The following ZNF469 variants were observed in gnomAD, a reference collection of about 807,000 sequenced individuals.
The protein encoded by ZNF469 is zinc finger protein 469.
Under a neutral mutation model 1.0 loss-of-function variants are expected in ZNF469, and 1 was observed. The ratio of observed to expected loss-of-function variants is 1.00; its 90% CI spans 0.35 to 4.73. The LOEUF is 4.73. ZNF469 is among the 30% of genes most tolerant of loss of function. The pLI is 0.16. For missense variants in ZNF469, 6,100 were observed against 5,356.3 expected (o/e 1.14, Z -4.33); for synonymous variants, 2,703 against 2,363.4 (o/e 1.14, Z -4.17).
At chr16:88,409,691 G>A (rs1905093868) in intron 1 of ZNF469, among the ~76,000 whole-genome samples, 1 of 152,230 alleles carries the variant, frequency 6.6e-6, no homozygotes, top group Admixed American at 6.5e-5. Flanking sequence ...AAATGCATGT[G>A]TTCACACGTG....
At chr16:88,290,141 C>T in the ZNF469 span, among the ~76,000 whole-genome samples, 79 of 152,294 alleles carry the variant, frequency 5.2e-4, no homozygotes, top group East Asian at 0.013. Flanking sequence ...CTTAGAGTGC[C>T]GGGAGCCATG....
At chr16:88,208,803 ACTCTCTCTCTCT>A in the ZNF469 span, among the ~76,000 whole-genome samples, 85 of 123,648 alleles carry the variant, frequency 6.9e-4, no homozygotes, top group African/African-American at 2.3e-3. Context: ...ACACACACAC[ACTCTCTCTCTCT>A]CTCTCTCTCT....
intron 1 of ZNF469, among the ~76,000 whole-genome samples, chr16:88,418,583 C>G (rs1472984773): frequency 6.9e-6 from 1 of 145,270 alleles, no homozygotes; most frequent in Non-Finnish European, 1.5e-5. Context: ...TCGAAGACAT[C>G]ATTTTCTTTC....
the ZNF469 span, among the ~76,000 whole-genome samples, chr16:88,153,190 C>G: frequency 6.6e-6 from 1 of 152,220 alleles, no homozygotes; most frequent in African/African-American, 2.4e-5. Flanking sequence ...TCTCTGCACT[C>G]CGGGAACCCA....
the ZNF469 span, among the ~76,000 whole-genome samples, chr16:88,136,170 A>C: frequency 6.6e-6 from 1 of 152,152 alleles, no homozygotes; most frequent in Non-Finnish European, 1.5e-5. Flanking sequence ...GGTGCTGTGA[A>C]ATTCAAGGCA....
chr16:88,126,407 A>G, the ZNF469 span, among the ~76,000 whole-genome samples: 1 of 151,368 alleles, frequency 6.6e-6, no homozygotes, highest in African/African-American at 2.4e-5. Context: ...ACCATTAAGG[A>G]TGATGTTAGC....
chr16:88,415,882 T>C (rs1004196472), intron 1 of ZNF469, among the ~76,000 whole-genome samples: 2 of 152,206 alleles, frequency 1.3e-5, no homozygotes, highest in Non-Finnish European at 2.9e-5. Flanking sequence ...CATAGTGTCC[T>C]TCCTCAAGCT....
the ZNF469 span, among the ~76,000 whole-genome samples, chr16:88,317,917 A>G: frequency 2.0e-5 from 3 of 152,172 alleles, no homozygotes; most frequent in Non-Finnish European, 2.9e-5. Context: ...GACAGGGGTG[A>G]ACCTAGGTCT....
chr16:88,145,013 C>T, the ZNF469 span, among the ~76,000 whole-genome samples: 2 of 151,944 alleles, frequency 1.3e-5, no homozygotes, highest in African/African-American at 2.4e-5. Context: ...TGACGCCCAG[C>T]TAATTCTTAT....
the ZNF469 span, among the ~76,000 whole-genome samples, chr16:88,103,527 G>T: frequency 6.6e-6 from 1 of 152,212 alleles, no homozygotes; most frequent in Non-Finnish European, 1.5e-5. Flanking sequence ...TTGGGGGCCT[G>T]CCCTCCTTGT....
chr16:88,327,141 G>A, the ZNF469 span, among the ~76,000 whole-genome samples: 1 of 152,164 alleles, frequency 6.6e-6, no homozygotes, highest in Non-Finnish European at 1.5e-5. Context: ...ATCCCAAATA[G>A]TGTCCCTCGT....
the ZNF469 span, among the ~76,000 whole-genome samples, chr16:88,287,738 T>G: frequency 6.6e-6 from 1 of 152,128 alleles, no homozygotes; most frequent in African/African-American, 2.4e-5. Context: ...GTGACGCTAC[T>G]TCTTGAAGTT....
At chr16:88,406,571 T>C (rs1213985532) in intron 1 of ZNF469, among the ~76,000 whole-genome samples, 1 of 152,204 alleles carries the variant, frequency 6.6e-6, no homozygotes, top group Non-Finnish European at 1.5e-5. Context: ...AAGCTGTCCC[T>C]GCCCAGGGTG....
At chr16:88,381,941 G>A (rs1477996845), upstream of ZNF469, among the ~76,000 whole-genome samples, 1 of 152,374 alleles carries the variant, frequency 6.6e-6, no homozygotes, top group Admixed American at 6.5e-5. Context: ...CATAATAAAG[G>A]TGTCCTTAAA....
the ZNF469 span, among the ~76,000 whole-genome samples, chr16:88,195,657 C>G: frequency 6.6e-6 from 1 of 152,168 alleles, no homozygotes; most frequent in Non-Finnish European, 1.5e-5. Flanking sequence ...ATGGGCCCAG[C>G]TAACAATGGC....
the ZNF469 span, among the ~76,000 whole-genome samples, chr16:88,359,135 C>T: frequency 6.6e-6 from 1 of 152,230 alleles, no homozygotes; most frequent in East Asian, 1.9e-4. Flanking sequence ...ACCAGCAGCA[C>T]GTGAGTGTCC....
the ZNF469 span, among the ~76,000 whole-genome samples, chr16:88,365,405 A>T: frequency 6.6e-6 from 1 of 152,174 alleles, no homozygotes; most frequent in Non-Finnish European, 1.5e-5. Flanking sequence ...CATGGGACCC[A>T]CTGGAGCCAG....
the ZNF469 span, among the ~76,000 whole-genome samples, chr16:88,110,359 G>A: frequency 4.9e-4 from 75 of 152,270 alleles, no homozygotes; most frequent in Non-Finnish European, 7.9e-4. Flanking sequence ...TTCTGCTCCC[G>A]CTCACGCCGG....
At chr16:88,102,987 C>A in the ZNF469 span, among the ~76,000 whole-genome samples, 1 of 152,278 alleles carries the variant, frequency 6.6e-6, no homozygotes, top group Non-Finnish European at 1.5e-5. Context: ...TCTCCTCCAA[C>A]TCTTTAGACG....
Sources: gnomAD v4.1 joint callset for allele counts (sites outside exome capture counted in the v4.1 genomes callset) on GRCh38, gnomAD v4.1.1 for gene constraint, MANE v1.5 for transcripts, NCBI Gene and HGNC (gene_info 2026-07-23, HGNC 2026-07-21) for gene names.